Variants in CPT1A observed in about 807,000 individuals in gnomAD.
CPT1A encodes carnitine O-palmitoyltransferase 1, liver isoform.
A neutral mutation model predicts 100.8 loss-of-function variants in CPT1A; 64 were observed. The ratio of observed to expected loss-of-function variants is 0.63; its 90% CI spans 0.52 to 0.78. The LOEUF (loss-of-function observed/expected upper bound fraction) is 0.78, where lower values mean the gene tolerates loss of function less well. CPT1A is among the 30% of genes least tolerant of loss of function. CPT1A has a pLI of 0.00. For synonymous variants in CPT1A, 363 were observed against 396.0 expected (o/e 0.92, Z 0.99); for missense variants, 802 against 1,034.1 (o/e 0.78, Z 3.08).
intron 17 of CPT1A, 94 bp downstream of exon 17, chr11:68,760,131 C>T (rs562348822): frequency 2.5e-5 from 22 of 863,466 alleles, no homozygotes; most frequent in African/African-American, 5.0e-5. Context: ...CGCAAGGTAA[C>T]GGGGGCACCC....
chr11:68,772,282 G>A (rs1298269371), intron 14 of CPT1A, among the ~76,000 whole-genome samples: 1 of 152,150 alleles, frequency 6.6e-6, no homozygotes, highest in Non-Finnish European at 1.5e-5. Flanking sequence ...GAACCCGGGA[G>A]GTGGAGGTTG....
Position 68,757,608 on chromosome 11 carries a change from A to G in CPT1A, c.*36T>C, listed in dbSNP as rs1437985427. The G allele has an allele frequency of 1.2e-5, 19 of 1,613,988 alleles. No homozygotes were observed. Among genetic ancestry groups the G allele is most frequent in the Non-Finnish European group, 1.6e-5 (19 of 1,180,010 alleles). ...CTATTTTTCATTTGGTTTGCATCAG[A>G]AGAGCTCGTTTTCCTTCCCAGCAGC... On this transcript the variant is annotated 3_prime_UTR_variant, in exon 19 of 19. Coordinates refer to ENST00000265641, the MANE Select transcript of CPT1A (RefSeq NM_001876.4).
intron 4 of CPT1A, among the ~76,000 whole-genome samples, chr11:68,805,940 C>A (rs1376951649): frequency 6.6e-6 from 1 of 152,192 alleles, no homozygotes; most frequent in Admixed American, 6.5e-5. Flanking sequence ...GGGCCCCAGC[C>A]CCCCAGACGG....
intron 13 of CPT1A, 66 bp from the exon 14 acceptor site, chr11:68,773,495 G>A (rs1855053510): frequency 6.2e-7 from 1 of 1,609,382 alleles, no homozygotes; most frequent in South Asian, 1.1e-5. Context: ...ACACCCAGAA[G>A]GAAATTGGAG....
chr11:68,764,909 A>G (rs1854745380), intron 14 of CPT1A, among the ~76,000 whole-genome samples: 1 of 152,188 alleles, frequency 6.6e-6, no homozygotes, highest in Admixed American at 6.5e-5. Context: ...AGCCCCCAGG[A>G]TCCCCCCAAC....
At chr11:68,814,930 G>A (rs368663642) in intron 2 of CPT1A, among the ~76,000 whole-genome samples, 144 of 151,510 alleles carry the variant, frequency 9.5e-4, no homozygotes, top group Middle Eastern at 3.4e-3. Flanking sequence ...CAAGCAATCC[G>A]CCCACCTCAG....
chr11:68,759,088 C>G (rs554201101), intron 18 of CPT1A, among the ~76,000 whole-genome samples: 2 of 151,436 alleles, frequency 1.3e-5, no homozygotes, highest in African/African-American at 2.4e-5. Flanking sequence ...TCTGTACAAA[C>G]AATTTTTTAA....
intron 1 of CPT1A, among the ~76,000 whole-genome samples, chr11:68,831,932 C>G (rs774600410): frequency 3.9e-5 from 6 of 152,128 alleles, no homozygotes; most frequent in Non-Finnish European, 8.8e-5. Context: ...TGTGCCCGAC[C>G]CAGAACATTC....
rs1288936600 is a variant in CPT1A, at chr11:68,772,510, G to A, written c.1740+755C>T. Among the ~76,000 whole-genome samples, 5 of 58,220 alleles carry A rather than the reference G, an allele frequency of 8.6e-5. No individual in the cohort carries two copies. The East Asian group carries it at 4.2e-3, about 49-fold the overall frequency. 38.2% of individuals were successfully genotyped at this position (58,220 alleles called of 152,430 possible). ...GGTGCAGGCTGCTCCTCCAACAGGG[G>A]TTGCCAGGTGCAAGCCAAAATATGG... On this transcript the variant is annotated intron_variant, in intron 14 of 18. Transcript: ENST00000265641.
chr11:68,806,791 T>C (rs1423087546), intron 4 of CPT1A, among the ~76,000 whole-genome samples: 1 of 151,924 alleles, frequency 6.6e-6, no homozygotes, highest in African/African-American at 2.4e-5. Flanking sequence ...TAGCCAGGCA[T>C]GGTGGTGCAT....
intron 14 of CPT1A, among the ~76,000 whole-genome samples, chr11:68,768,826 G>C (rs1854901675): frequency 2.6e-5 from 4 of 152,152 alleles, no homozygotes; most frequent in Admixed American, 2.6e-4. Flanking sequence ...CCAACTGTGT[G>C]GTCTGTGCTG....
chr11:68,783,502 G>A (rs1437214604), intron 10 of CPT1A, among the ~76,000 whole-genome samples: 1 of 152,112 alleles, frequency 6.6e-6, no homozygotes, highest in African/African-American at 2.4e-5. Context: ...CAGCCCACCT[G>A]CGGCCCCTCC....
At chr11:68,817,168 T>G (rs942420981) in intron 1 of CPT1A, among the ~76,000 whole-genome samples, 8 of 141,576 alleles carry the variant, frequency 5.7e-5, no homozygotes, top group Admixed American at 7.0e-5. Context: ...TGTGTGTGTG[T>G]GGTGTGTGTG....
At chr11:68,815,119 C>T (rs767945264) in intron 2 of CPT1A, among the ~76,000 whole-genome samples, 13 of 152,136 alleles carry the variant, frequency 8.5e-5, no homozygotes, top group Admixed American at 2.6e-4. Context: ...CCTGCTTTAA[C>T]GCATGCCAAG....
chr11:68,779,491 T>A (rs1373587267), intron 12 of CPT1A, among the ~76,000 whole-genome samples: 5 of 86,942 alleles, frequency 5.8e-5, no homozygotes, highest in Admixed American at 1.5e-4. Context: ...AACGAATTAT[T>A]AAAAAAAAAA....
chr11:68,816,883 ATG>A (rs1164041053), intron 1 of CPT1A, among the ~76,000 whole-genome samples: 2 of 98,902 alleles, frequency 2.0e-5, no homozygotes, highest in Non-Finnish European at 3.9e-5. Flanking sequence ...ACATGTGTAT[ATG>A]TGTGTGTGGT....
intron 1 of CPT1A, among the ~76,000 whole-genome samples, chr11:68,840,848 A>G (rs1364985881): frequency 6.6e-6 from 1 of 152,146 alleles, no homozygotes; most frequent in Non-Finnish European, 1.5e-5. Flanking sequence ...CTCGCAGGCC[A>G]AGTTCGCCAG....
chr11:68,793,752 A>G (rs1855684242), intron 8 of CPT1A, among the ~76,000 whole-genome samples: 1 of 151,944 alleles, frequency 6.6e-6, no homozygotes, highest in Non-Finnish European at 1.5e-5. Context: ...TCTCAAAAAA[A>G]AAAAAAAAAA....
chr11:68,787,164 C>T (rs1229261572), intron 9 of CPT1A, among the ~76,000 whole-genome samples: 1 of 152,052 alleles, frequency 6.6e-6, no homozygotes, highest in Non-Finnish European at 1.5e-5. Context: ...TGGCTGGGTG[C>T]AGTGACTCAC....
Sources: gnomAD v4.1 joint callset for allele counts (sites outside exome capture counted in the v4.1 genomes callset) on GRCh38, gnomAD v4.1.1 for gene constraint, MANE v1.5 for transcripts, NCBI Gene and HGNC (gene_info 2026-07-23, HGNC 2026-07-21) for gene names.